Variants in CHORDC1 observed in about 807,000 individuals in gnomAD.
The protein encoded by CHORDC1 is cysteine and histidine rich domain containing 1, also known as cysteine and histidine-rich domain-containing protein 1.
In CHORDC1, 25 loss-of-function variants were observed where a neutral mutation model predicts 48.3. The ratio of observed to expected loss-of-function variants is 0.52; its 90% CI spans 0.38 to 0.72. The LOEUF is 0.72. Among genes scored for constraint, CHORDC1 ranks in the 30% least tolerant of loss-of-function variants. The probability of loss-of-function intolerance (pLI) is 0.00; values close to 1 mark genes in which losing one functional copy is unlikely to be tolerated. For missense variants in CHORDC1, 317 were observed against 388.7 expected, an observed-to-expected ratio of 0.82 and a Z score of 1.55; for synonymous variants, 128 against 126.4, an observed-to-expected ratio of 1.01 and a Z score of -0.09.
intron 6 of CHORDC1, chr11:90,207,590 A>G (rs1857730997): frequency 1.3e-5 from 2 of 152,000 alleles, no homozygotes; most frequent in Admixed American, 1.3e-4. Flanking sequence ...ATATATAAAG[A>G]ATTCTTACAA....
chr11:90,209,945 CA>C (rs1211149517), intron 6 of CHORDC1, among the ~76,000 whole-genome samples: 1 of 152,096 alleles, frequency 6.6e-6, no homozygotes, highest in African/African-American at 2.4e-5. Context: ...AAAGAACCAC[CA>C]TAATTCTGTC....
intron 2 of CHORDC1, among the ~76,000 whole-genome samples, chr11:90,215,973 G>C (rs1858002879): frequency 6.6e-6 from 1 of 152,002 alleles, no homozygotes; most frequent in Admixed American, 6.5e-5. Flanking sequence ...ATTTTCAAAA[G>C]ACTGCATAAA....
At chr11:90,204,049 AC>A (rs1183674167) in intron 8 of CHORDC1, among the ~76,000 whole-genome samples, 1 of 152,164 alleles carries the variant, frequency 6.6e-6, no homozygotes, top group African/African-American at 2.4e-5. Context: ...ATAAATGAGA[AC>A]AATTTAGTTA....
intron 4 of CHORDC1, chr11:90,211,533 C>G: frequency 2.5e-6 from 1 of 399,982 alleles, no homozygotes; most frequent in Non-Finnish European, 4.5e-6. Flanking sequence ...TAGTAAGTCT[C>G]AAATAATCAC....
At chr11:90,207,936 C>T (rs896834614) in intron 6 of CHORDC1, 1 of 151,858 alleles carries the variant, frequency 6.6e-6, no homozygotes, top group African/African-American at 2.4e-5. Context: ...ATACCTAATC[C>T]AAAATCTCAA....
In CHORDC1 at chr11:90,218,109, G is replaced by T. The variant is rs528778053; in HGVS notation, c.114+26C>A. ...ATCTCTCAATTTACTACACAGATAT[G>T]AAAAAAATGAAAATATAGTTCCTAC... On this transcript the variant is annotated intron_variant, in intron 2 of 10. Transcript: ENST00000320585. 1.4e-4 allele frequency: 216 copies of T among 1,493,770 alleles called. No individual in the cohort carries two copies. The South Asian group carries it at 2.6e-3, about 18-fold the overall frequency. 92.5% of individuals were successfully genotyped at this position (1,493,770 alleles called of 1,614,324 possible). A position where few individuals can be genotyped will look rare whatever the true frequency, so the allele number is the denominator to read the frequency against.
At chr11:90,216,616 G>A in intron 2 of CHORDC1, 3 of 401,898 alleles carry the variant, frequency 7.5e-6, no homozygotes, top group Non-Finnish European at 1.4e-5. Flanking sequence ...AGAGAGAGAA[G>A]CAAAAATACT....
At chr11:90,220,302 C>A (rs1310934207) in intron 1 of CHORDC1, among the ~76,000 whole-genome samples, 1 of 152,092 alleles carries the variant, frequency 6.6e-6, no homozygotes, top group Non-Finnish European at 1.5e-5. Flanking sequence ...TAGATACTAG[C>A]TAATGTAGAA....
chr11:90,222,538 T>C (rs1858197548), intron 1 of CHORDC1: 1 of 484,548 alleles, frequency 2.1e-6, no homozygotes. Context: ...CCTCGTTAAT[T>C]TTTGCTTCCC....
chr11:90,202,305 G>A lies in CHORDC1; in HGVS notation c.*100C>T. On this transcript the variant is annotated 3_prime_UTR_variant, in exon 11 of 11. Coordinates refer to ENST00000320585, the MANE Select transcript of CHORDC1 (RefSeq NM_012124.3). ...TGTTAACCCTGAAATGCCACATTCA[G>A]TAACACAACAACAAAACAAAAGATT... 8.5e-7 allele frequency: 1 copy of A among 1,176,958 alleles called. No individual in the cohort carries two copies. Among genetic ancestry groups the A allele is most frequent in the Non-Finnish European group, 1.2e-6 (1 of 820,002 alleles). 72.9% of individuals were successfully genotyped at this position (1,176,958 alleles called of 1,614,324 possible).
Position 90,201,204 on chromosome 11 carries a change from G to C in CHORDC1, c.*1201C>G, listed in dbSNP as rs1857536310. On this transcript the variant is annotated 3_prime_UTR_variant, in exon 11 of 11. Transcript: ENST00000320585. ...GAAAAGAAAAGACTCAAGGGGTTTG[G>C]GAAATAAACCCCTTTTAATTTTAAA... is the stretch of plus-strand genomic sequence containing the variant. 6.6e-6 allele frequency: 1 copy of C among 151,718 alleles called. No homozygotes were observed. The highest frequency in any genetic ancestry group is 6.6e-5 in the Admixed American group (1 of 15,228). The allele number at this position is 151,718 out of a possible 1,614,324, so 9.4% of individuals were successfully genotyped here.
intron 6 of CHORDC1, 82 bp downstream of exon 6, chr11:90,210,454 T>G (rs1857828690): frequency 1.2e-6 from 1 of 814,474 alleles, no homozygotes; most frequent in South Asian, 1.5e-5. Flanking sequence ...TGCAAATGTT[T>G]GTTGAATTGA....
rs765419999 is a variant in CHORDC1 at position 90,205,459 on chromosome 11, C to G, written c.669+1G>C. ...GTGCTATTTTTGGAAGAGTTACTTA[C>G]AGCATCTTTTTTAGTCCACATGTGT... is the stretch of plus-strand genomic sequence containing the variant. On this transcript the variant is annotated splice_donor_variant, in intron 8 of 10. Coordinates refer to ENST00000320585, the MANE Select transcript of CHORDC1 (RefSeq NM_012124.3). LOFTEE classifies it high-confidence loss of function. 1 of 1,552,042 alleles carries G rather than the reference C, an allele frequency of 6.4e-7. No individual in the cohort carries two copies. Among genetic ancestry groups the G allele is most frequent in the Non-Finnish European group, 8.8e-7 (1 of 1,130,590 alleles).
Position 90,202,511 on chromosome 11 carries a change from G to T in CHORDC1, c.893C>A (p.Thr298Lys), listed in dbSNP as rs1435609146. ...VKRSYVTMTA[T>K]KIEITMRKAE... Reference sequence around the variant, plus strand: ...TTTTCTCATAGTGATTTCAATCTTTGTTGCAGTCATAGTTACATAACTTCG... The same window carrying T: ...TTTTCTCATAGTGATTTCAATCTTTTTTGCAGTCATAGTTACATAACTTCG... Residue 298 changes from threonine (T) to lysine (K), a missense_variant, in exon 11 of 11, where the codon ACA becomes AAA. Physicochemically the swap from Thr to Lys is moderately conservative, Grantham distance 78 (BLOSUM62 -1). Coordinates refer to ENST00000320585, the MANE Select transcript of CHORDC1 (RefSeq NM_012124.3). 6.2e-7 allele frequency: 1 copy of T among 1,613,096 alleles called. No homozygotes were observed. The highest frequency in any genetic ancestry group is 1.1e-5 in the South Asian group (1 of 91,046).
chr11:90,213,207 G>C (rs769665495), intron 4 of CHORDC1: 22 of 467,614 alleles, frequency 4.7e-5, no homozygotes, highest in Non-Finnish European at 7.7e-5. Flanking sequence ...AGTCTCTTAG[G>C]GTTCTTATCT....
At chr11:90,212,212 C>T (rs1318917381) in intron 4 of CHORDC1, 2 of 152,184 alleles carry the variant, frequency 1.3e-5, no homozygotes, top group Non-Finnish European at 2.9e-5. Context: ...TGGTGTGTGA[C>T]AGACCTAGTG....
In CHORDC1 at chr11:90,201,805, G is replaced by GT. The variant is rs1389484700; in HGVS notation, c.*599dup. ...AACATCATACTGCTTGGCAAGTAATGTAAGTTTTGACATAATTTAAAAATT... is the reference window on the plus strand; with the variant it reads ...AACATCATACTGCTTGGCAAGTAATGTTAAGTTTTGACATAATTTAAAAATT... On this transcript the variant is annotated 3_prime_UTR_variant, in exon 11 of 11. Coordinates refer to ENST00000320585, the MANE Select transcript of CHORDC1 (RefSeq NM_012124.3). 1 of 152,356 alleles carries GT rather than the reference G, an allele frequency of 6.6e-6. No homozygotes were observed. Among genetic ancestry groups the GT allele is most frequent in the African/African-American group, 2.4e-5 (1 of 41,404 alleles). The allele number at this position is 152,356 out of a possible 1,614,324, so 9.4% of individuals were successfully genotyped here. A position where few individuals can be genotyped will look rare whatever the true frequency, so the allele number is the denominator to read the frequency against.
intron 1 of CHORDC1, among the ~76,000 whole-genome samples, chr11:90,221,802 C>A (rs1382536068): frequency 6.6e-6 from 1 of 152,146 alleles, no homozygotes; most frequent in South Asian, 2.1e-4. Flanking sequence ...TTTTAAATAA[C>A]GCTATCAATT....
At chr11:90,214,224 G>A in intron 3 of CHORDC1, 49 bp from the exon 4 acceptor site, 1 of 1,331,892 alleles carries the variant, frequency 7.5e-7, no homozygotes. Context: ...TACATTTCAT[G>A]ATAGAAATAT....
Sources: gnomAD v4.1 joint callset for allele counts (sites outside exome capture counted in the v4.1 genomes callset) on GRCh38, gnomAD v4.1.1 for gene constraint, MANE v1.5 for transcripts, NCBI Gene and HGNC (gene_info 2026-07-23, HGNC 2026-07-21) for gene names.